Variants in ARID5B observed in about 807,000 individuals in gnomAD.
ARID5B encodes AT-rich interactive domain-containing protein 5B.
Under a neutral mutation model 97.2 loss-of-function variants are expected in ARID5B, and 13 were observed. That is an observed-to-expected ratio of 0.13 (90% confidence interval 0.09 to 0.21). The LOEUF (loss-of-function observed/expected upper bound fraction) is 0.21. Ranked by LOEUF, ARID5B falls within the 10% of genes least tolerant of loss-of-function variation. ARID5B has a pLI of 1.00. For synonymous variants in ARID5B, 556 were observed against 570.3 expected, an observed-to-expected ratio of 0.97 and a Z score of 0.36; for missense variants, 1,210 against 1,465.3, an observed-to-expected ratio of 0.83 and a Z score of 2.84.
chr10:62,029,615 T>C (rs10995016), intron 4 of ARID5B, among the ~76,000 whole-genome samples: 16,015 of 152,222 alleles, frequency 0.11, 1,076 homozygotes, highest in Admixed American at 0.21. Flanking sequence ...AAACTGGTTG[T>C]CTGTAGGAAC....
intron 3 of ARID5B, among the ~76,000 whole-genome samples, chr10:61,999,502 C>T (rs1185516729): frequency 5.9e-5 from 9 of 152,268 alleles, no homozygotes; most frequent in African/African-American, 1.9e-4. Flanking sequence ...CTCTTGGTCT[C>T]GTGGCTGACT....
chr10:62,009,382 G>A (rs890713053), intron 4 of ARID5B, among the ~76,000 whole-genome samples: 2 of 152,142 alleles, frequency 1.3e-5, no homozygotes, highest in Non-Finnish European at 2.9e-5. Context: ...AGAACTCCAG[G>A]CATTGTTAGG....
At chr10:61,944,835 T>C (rs1041776398) in intron 3 of ARID5B, among the ~76,000 whole-genome samples, 1 of 152,172 alleles carries the variant, frequency 6.6e-6, no homozygotes, top group Non-Finnish European at 1.5e-5. Flanking sequence ...AATGGTTTCA[T>C]CTCCAAATGT....
intron 2 of ARID5B, among the ~76,000 whole-genome samples, chr10:61,910,104 C>A (rs1843776925): frequency 6.6e-6 from 1 of 152,124 alleles, no homozygotes; most frequent in Non-Finnish European, 1.5e-5. Context: ...GATAGTGCCT[C>A]ACAATTGTAA....
intron 4 of ARID5B, among the ~76,000 whole-genome samples, chr10:62,016,879 C>G (rs1181846049): frequency 6.6e-6 from 1 of 152,106 alleles, no homozygotes; most frequent in Non-Finnish European, 1.5e-5. Flanking sequence ...TATGCCTGTT[C>G]TTAAAATGTG....
chr10:62,056,236 T>C (rs1383289385), intron 5 of ARID5B, among the ~76,000 whole-genome samples: 3 of 152,200 alleles, frequency 2.0e-5, no homozygotes, highest in Non-Finnish European at 4.4e-5. Context: ...CTGGAGACTT[T>C]ACCGCCTTTT....
chr10:61,955,006 C>CAA (rs374587937), intron 3 of ARID5B, among the ~76,000 whole-genome samples: 32 of 130,888 alleles, frequency 2.4e-4, no homozygotes, highest in Non-Finnish European at 4.1e-4. Flanking sequence ...AACTCCATCT[C>CAA]AAAAAAAAAA....
chr10:62,037,604 G>A (rs762905318), intron 4 of ARID5B, among the ~76,000 whole-genome samples: 6 of 152,250 alleles, frequency 3.9e-5, no homozygotes, highest in South Asian at 4.2e-4. Flanking sequence ...TTGTGTAAAC[G>A]CCCTGTGCTT....
At chr10:61,923,041 G>T (rs1284832456) in intron 2 of ARID5B, among the ~76,000 whole-genome samples, 9 of 152,054 alleles carry the variant, frequency 5.9e-5, no homozygotes, top group Admixed American at 5.2e-4. Flanking sequence ...TTTATGGGGT[G>T]GCTTCCATGT....
chr10:61,987,285 C>G (rs1213226626), intron 3 of ARID5B, among the ~76,000 whole-genome samples: 2 of 152,150 alleles, frequency 1.3e-5, no homozygotes, highest in African/African-American at 4.8e-5. Flanking sequence ...AGGATGAGAA[C>G]AGAGGGACAG....
chr10:62,076,521 C>T lies in ARID5B; in HGVS notation c.1199+6724C>T, dbSNP rs188584831. Among the ~76,000 whole-genome samples, 282 of 145,190 alleles carry T rather than the reference C, an allele frequency of 1.9e-3. 3 individuals carry two copies. The highest frequency in any genetic ancestry group is 7.0e-3 in the African/African-American group (277 of 39,672). ...GGGTTGCAGTGAGCCGAGATCACGCCACCGCACTCCGGTCTGGGCTACAGA... is the reference window on the plus strand; with the variant it reads ...GGGTTGCAGTGAGCCGAGATCACGCTACCGCACTCCGGTCTGGGCTACAGA... On this transcript the variant is annotated intron_variant, in intron 8 of 9. Transcript: ENST00000279873.
Position 62,092,908 on chromosome 10 carries a change from C to A in ARID5B, c.3445C>A (p.Pro1149Thr). Residue 1149 changes from proline (P) to threonine (T), a missense_variant, in exon 10 of 10, where the codon CCT (proline) becomes ACT (threonine). Physicochemically the swap from Pro to Thr is conservative, Grantham distance 38. Transcript: ENST00000279873. ...GTACAGACACTTGGCTGCGGCTACA[C>A]CTGTAGGAAGTTCATATGGGGACCT... ...QLYRHLAAATPVGSSYGDLLH... is the reference protein window; with the variant it reads ...QLYRHLAAATTVGSSYGDLLH... The A allele has an allele frequency of 6.2e-7, 1 of 1,614,206 alleles. No homozygotes were observed. The highest frequency in any genetic ancestry group is 8.5e-7 in the Non-Finnish European group (1 of 1,180,044).
intron 3 of ARID5B, among the ~76,000 whole-genome samples, chr10:61,968,727 C>A (rs1045400968): frequency 6.6e-6 from 1 of 152,176 alleles, no homozygotes; most frequent in African/African-American, 2.4e-5. Flanking sequence ...CTGTTCTTCT[C>A]ATATACAGTG....
chr10:62,041,631 T>A (rs1839638915), intron 4 of ARID5B, among the ~76,000 whole-genome samples: 1 of 152,178 alleles, frequency 6.6e-6, no homozygotes, highest in Non-Finnish European at 1.5e-5. Context: ...TCCAAGTATG[T>A]CATAAGTTAA....
rs777291593 is a variant in ARID5B, at chr10:62,027,285, C to CTTTTTTTTTTTTTTTT, written c.734-23577_734-23562dup. Reference sequence around the variant, plus strand: ...TGATGCATTAGCCTCACAGTATCTCCTTTTTTTTTTTTTTTTTTTTTTTTT... The same window carrying CTTTTTTTTTTTTTTTT: ...TGATGCATTAGCCTCACAGTATCTCCTTTTTTTTTTTTTTTTTTTTTTTTTTTTTTTTTTTTTTTTT... On this transcript the variant is annotated intron_variant, in intron 4 of 9. Coordinates refer to ENST00000279873, the MANE Select transcript of ARID5B (RefSeq NM_032199.3). 3.0e-5 allele frequency among the ~76,000 whole-genome samples: 2 copies of CTTTTTTTTTTTTTTTT among 67,406 alleles called. 1 individual carries two copies. The highest frequency in any genetic ancestry group is 5.5e-5 in the Non-Finnish European group (2 of 36,556). The allele number at this position is 67,406 out of a possible 152,430, so 44.2% of individuals were successfully genotyped here.
chr10:62,020,659 G>A (rs1180105065), intron 4 of ARID5B, among the ~76,000 whole-genome samples: 1 of 152,112 alleles, frequency 6.6e-6, no homozygotes, highest in African/African-American at 2.4e-5. Context: ...TAGACAACAT[G>A]CCTGAATGCC....
intron 3 of ARID5B, among the ~76,000 whole-genome samples, chr10:61,982,346 C>T (rs1384062968): frequency 2.6e-5 from 4 of 152,164 alleles, no homozygotes; most frequent in Admixed American, 1.3e-4. Context: ...TCTTCTTGGC[C>T]TCCTTCTTGT....
intron 8 of ARID5B, among the ~76,000 whole-genome samples, chr10:62,075,718 C>T (rs1222776642): frequency 6.6e-6 from 1 of 152,194 alleles, no homozygotes; most frequent in Non-Finnish European, 1.5e-5. Context: ...ATGCAGGCGC[C>T]TCCAGTTTGT....
At chr10:61,913,479 G>T (rs61852285) in intron 2 of ARID5B, among the ~76,000 whole-genome samples, 2,684 of 152,268 alleles carry the variant, frequency 0.018, 29 homozygotes, top group Non-Finnish European at 0.026. Context: ...AAAATCTTGG[G>T]CATGTCCTCA....
Sources: allele counts gnomAD v4.1 joint callset (sites outside exome capture counted in the v4.1 genomes callset), GRCh38; gene constraint gnomAD v4.1.1; transcripts MANE v1.5; gene names NCBI Gene and HGNC (gene_info 2026-07-23, HGNC 2026-07-21).